Variants in DPP10 observed in about 807,000 individuals in gnomAD.
DPP10 encodes the protein dipeptidyl peptidase like 10.
In DPP10, 33 loss-of-function variants were observed where a neutral mutation model predicts 120.9. That is an observed-to-expected ratio of 0.27 (90% confidence interval 0.21 to 0.37). The LOEUF (loss-of-function observed/expected upper bound fraction) is 0.37, where lower values mean the gene tolerates loss of function less well. DPP10 is among the 10% of genes least tolerant of loss of function. The pLI, the probability that DPP10 is intolerant of heterozygous loss-of-function variation, is 1.00. For synonymous variants in DPP10, 337 were observed against 326.1 expected (o/e 1.03, Z -0.36); for missense variants, 816 against 942.8 (o/e 0.87, Z 1.76).
chr2:115,131,261 TC>T (rs1352009010), intron 1 of DPP10, among the ~76,000 whole-genome samples: 1 of 152,178 alleles, frequency 6.6e-6, no homozygotes, highest in East Asian at 1.9e-4. Flanking sequence ...ATGCCTGTAA[TC>T]CCCGAACTTT....
chr2:115,292,687 CTAT>C (rs2060708917), intron 1 of DPP10, among the ~76,000 whole-genome samples: 1 of 152,202 alleles, frequency 6.6e-6, no homozygotes, highest in Non-Finnish European at 1.5e-5. Flanking sequence ...CAAGTATAGC[CTAT>C]TATTATTGTT....
At chr2:115,372,939 G>T (rs1311765481) in intron 3 of DPP10, among the ~76,000 whole-genome samples, 1 of 152,080 alleles carries the variant, frequency 6.6e-6, no homozygotes, top group African/African-American at 2.4e-5. Context: ...TTCCCTCAAG[G>T]AATTTATGGA....
At chr2:114,725,875 ACAAAC>A (rs1282837666) in intron 1 of DPP10, among the ~76,000 whole-genome samples, 1 of 152,200 alleles carries the variant, frequency 6.6e-6, no homozygotes, top group East Asian at 1.9e-4. Context: ...AACCGAAATG[ACAAAC>A]CAAAACATTT....
intron 1 of DPP10, among the ~76,000 whole-genome samples, chr2:115,042,040 A>T (rs1412126824): frequency 8.2e-6 from 1 of 122,282 alleles, no homozygotes; most frequent in Non-Finnish European, 1.7e-5. Flanking sequence ...TGCAATAAGT[A>T]ACCTGTGTTT....
intron 1 of DPP10, among the ~76,000 whole-genome samples, chr2:114,875,689 T>G (rs1488113526): frequency 6.6e-6 from 1 of 152,136 alleles, no homozygotes; most frequent in African/African-American, 2.4e-5. Context: ...TTAGCATAAG[T>G]TAAATAATGA....
chr2:114,698,580 C>A (rs1023513272), intron 1 of DPP10, among the ~76,000 whole-genome samples: 1 of 152,102 alleles, frequency 6.6e-6, no homozygotes, highest in Non-Finnish European at 1.5e-5. Context: ...ACCCAGAACA[C>A]GTGAGATCAG....
chr2:114,619,205 C>T (rs563003892), intron 1 of DPP10, among the ~76,000 whole-genome samples: 4 of 151,888 alleles, frequency 2.6e-5, no homozygotes, highest in Non-Finnish European at 5.9e-5. Flanking sequence ...ATATGTTATC[C>T]ACATGTATTA....
chr2:115,256,534 G>A (rs1036874536), intron 1 of DPP10, among the ~76,000 whole-genome samples: 1 of 152,186 alleles, frequency 6.6e-6, no homozygotes, highest in African/African-American at 2.4e-5. Context: ...CCGAGGTAGT[G>A]TATGGCTCTG....
At chr2:115,106,581 T>A (rs1208706485) in intron 1 of DPP10, among the ~76,000 whole-genome samples, 1 of 152,032 alleles carries the variant, frequency 6.6e-6, no homozygotes, top group African/African-American at 2.4e-5. Flanking sequence ...CTACCTCAGC[T>A]CCCCGAGTAG....
intron 1 of DPP10, among the ~76,000 whole-genome samples, chr2:115,144,677 CG>C (rs1466100404): frequency 1.6e-5 from 1 of 63,148 alleles, no homozygotes; most frequent in African/African-American, 6.9e-5. Flanking sequence ...GGGTGGGGGG[CG>C]GGGGGAGGGA....
chr2:115,102,597 G>C (rs541085104), intron 1 of DPP10, among the ~76,000 whole-genome samples: 75 of 151,932 alleles, frequency 4.9e-4, no homozygotes, highest in South Asian at 1.5e-3. Flanking sequence ...TTTTAGTAGA[G>C]ACGAGGTTTC....
At chr2:114,621,648 C>T (rs928137135) in intron 1 of DPP10, among the ~76,000 whole-genome samples, 17 of 151,846 alleles carry the variant, frequency 1.1e-4, no homozygotes, top group Admixed American at 2.0e-4. Flanking sequence ...AAAGGCACTC[C>T]GAGCACCCTT....
chr2:115,799,077 CT>C (rs1023120796), intron 19 of DPP10, among the ~76,000 whole-genome samples: 1 of 151,924 alleles, frequency 6.6e-6, no homozygotes, highest in African/African-American at 2.4e-5. Flanking sequence ...TGATTTTTAG[CT>C]TTTTTATTAA....
chr2:114,912,145 C>A (rs186789344), intron 1 of DPP10, among the ~76,000 whole-genome samples: 1 of 152,294 alleles, frequency 6.6e-6, no homozygotes, highest in Non-Finnish European at 1.5e-5. Context: ...CTCACACACA[C>A]ACACACACAT....
At chr2:115,525,848 T>C (rs1239730047) in intron 4 of DPP10, 50 bp from the exon 5 acceptor site, 2 of 1,401,984 alleles carry the variant, frequency 1.4e-6, no homozygotes, top group Admixed American at 2.1e-5. Context: ...TACATCCAAA[T>C]TCATGTTAAG....
chr2:115,410,942 A>G (rs1406865389), intron 3 of DPP10, among the ~76,000 whole-genome samples: 1 of 151,996 alleles, frequency 6.6e-6, no homozygotes, highest in Non-Finnish European at 1.5e-5. Context: ...TAATGTTTTC[A>G]CTTCTTTTTT....
intron 1 of DPP10, among the ~76,000 whole-genome samples, chr2:114,460,185 CT>C (rs1678809042): frequency 1.4e-5 from 2 of 147,496 alleles, no homozygotes; most frequent in East Asian, 2.0e-4. Context: ...ATCTATCTAT[CT>C]ATCTATCTAT....
intron 1 of DPP10, among the ~76,000 whole-genome samples, chr2:114,539,648 C>T (rs1686797467): frequency 6.6e-6 from 1 of 152,178 alleles, no homozygotes; most frequent in Non-Finnish European, 1.5e-5. Flanking sequence ...ACGTTCCATG[C>T]ACGTAGAGAG....
intron 1 of DPP10, among the ~76,000 whole-genome samples, chr2:114,902,338 T>G (rs1693645556): frequency 6.6e-6 from 1 of 152,196 alleles, no homozygotes; most frequent in Non-Finnish European, 1.5e-5. Context: ...AACTGTCTCT[T>G]TGCTACTGTG....
Sources: allele counts gnomAD v4.1 joint callset (sites outside exome capture counted in the v4.1 genomes callset), GRCh38; gene constraint gnomAD v4.1.1; transcripts MANE v1.5; gene names NCBI Gene and HGNC (gene_info 2026-07-23, HGNC 2026-07-21).